Variants in TMEM230 observed in about 807,000 individuals in gnomAD.
TMEM230 encodes the protein transmembrane protein 230.
A neutral mutation model predicts 15.8 loss-of-function variants in TMEM230; 10 were observed. That is an observed-to-expected ratio of 0.63 (90% CI 0.39 to 1.07). TMEM230 has a LOEUF of 1.07. TMEM230 is among the 50% of genes least tolerant of loss of function. TMEM230 has a pLI of 0.01. For synonymous variants in TMEM230, 67 were observed against 76.9 expected (o/e 0.87, Z 0.68); for missense variants, 165 against 193.3 (o/e 0.85, Z 0.87).
chr20:5,062,624 G>A, the TMEM230 span, among the ~76,000 whole-genome samples: 73 of 152,012 alleles, frequency 4.8e-4, no homozygotes, highest in African/African-American at 1.7e-3. Context: ...TTAGCTGTGT[G>A]TGGTGGTGCA....
chr20:5,105,680 TGG>T (rs2090047548), intron 4 of TMEM230, among the ~76,000 whole-genome samples: 1 of 152,158 alleles, frequency 6.6e-6, no homozygotes, highest in Non-Finnish European at 1.5e-5. Context: ...TATGAATGCA[TGG>T]CTGTATCAAA....
chr20:5,091,047 G>T (rs2326590), intron 3 of TMEM230, among the ~76,000 whole-genome samples: 133 of 152,272 alleles, frequency 8.7e-4, no homozygotes, highest in African/African-American at 3.2e-3. Flanking sequence ...CACCCAGGCT[G>T]AAGTGCAGTG....
intron 3 of TMEM230, among the ~76,000 whole-genome samples, chr20:5,083,688 AT>A (rs1168349077): frequency 2.6e-5 from 4 of 152,200 alleles, no homozygotes; most frequent in Non-Finnish European, 4.4e-5. Flanking sequence ...GGGCTTTGAT[AT>A]AAGCATTCTA....
At chr20:5,069,141 C>T (rs1237202258) in exon 4 of TMEM230, 3 of 1,434,744 alleles carry the variant, frequency 2.1e-6, no homozygotes, top group African/African-American at 2.9e-5. Flanking sequence ...AGGACATTTT[C>T]AGTTTAGCCC....
intron 3 of TMEM230, among the ~76,000 whole-genome samples, chr20:5,081,864 CTTTTTTTTCT>C (rs1335132253): frequency 3.6e-5 from 5 of 140,368 alleles, no homozygotes; most frequent in Admixed American, 3.5e-4. Flanking sequence ...CACTGATTTT[CTTTTTTTTCT>C]TTTTTTTTTT....
chr20:5,111,821 A>G, intron 1 of TMEM230: 1 of 976,310 alleles, frequency 1.0e-6, no homozygotes, highest in Non-Finnish European at 1.2e-6. Flanking sequence ...AATTCCAAAA[A>G]ATAACAAATT....
At chr20:5,061,088 C>A in the TMEM230 span, 2 of 152,136 alleles carry the variant, frequency 1.3e-5, no homozygotes, top group African/African-American at 4.8e-5. Context: ...CACAATACAG[C>A]CTGGAATTTA....
At chr20:5,089,832 A>G (rs1051968390) in intron 3 of TMEM230, among the ~76,000 whole-genome samples, 1 of 152,174 alleles carries the variant, frequency 6.6e-6, no homozygotes, top group Admixed American at 6.6e-5. Flanking sequence ...AGCCTGGCCA[A>G]CAGGGCAAAA....
chr20:5,066,799 G>C (rs1010763819), downstream of TMEM230, among the ~76,000 whole-genome samples: 1 of 152,080 alleles, frequency 6.6e-6, no homozygotes, highest in East Asian at 1.9e-4. Context: ...GCTGACCCGG[G>C]TTCATGCTCA....
chr20:5,112,724 A>ACG, intron 1 of TMEM230: 1 of 1,439,476 alleles, frequency 6.9e-7, no homozygotes, highest in Non-Finnish European at 9.1e-7. Context: ...ACGCGCCTCT[A>ACG]CATACGTTAT....
downstream of TMEM230, among the ~76,000 whole-genome samples, chr20:5,064,757 A>C (rs1307210154): frequency 1.3e-5 from 2 of 152,210 alleles, no homozygotes; most frequent in Non-Finnish European, 2.9e-5. Context: ...AATTCAATGA[A>C]GGAAAAATAA....
chr20:5,103,594 G>A (rs1285023783), intron 4 of TMEM230, among the ~76,000 whole-genome samples: 1 of 150,600 alleles, frequency 6.6e-6, no homozygotes, highest in Non-Finnish European at 1.5e-5. Flanking sequence ...TGGTGCCACT[G>A]CACTCCAGCC....
intron 4 of TMEM230, among the ~76,000 whole-genome samples, chr20:5,103,813 T>A (rs948493868): frequency 1.3e-5 from 2 of 152,106 alleles, no homozygotes; most frequent in African/African-American, 4.8e-5. Context: ...CACTTAAATG[T>A]AAGACCTAAA....
chr20:5,110,428 G>A (rs1413945060), intron 2 of TMEM230, among the ~76,000 whole-genome samples: 4 of 152,164 alleles, frequency 2.6e-5, no homozygotes, highest in South Asian at 2.1e-4. Context: ...GGGATTACAG[G>A]CGTGTGCCAC....
intron 3 of TMEM230, among the ~76,000 whole-genome samples, chr20:5,075,589 G>A (rs1394109474): frequency 1.3e-5 from 2 of 151,364 alleles, no homozygotes; most frequent in African/African-American, 4.8e-5. Context: ...GCCGGGCTTG[G>A]TGGCACACGC....
Position 5,106,291 on chromosome 20 carries a change from T to C in TMEM230, c.308A>G (p.Lys103Arg), listed in dbSNP as rs1215393638. 7.5e-6 allele frequency: 12 copies of C among 1,605,780 alleles called. No individual in the cohort carries two copies. In the Admixed American group the frequency reaches 1.7e-4, roughly 23 times the overall value. Residue 103 changes from lysine (K) to arginine (R), a missense_variant, in exon 4 of 5, where the codon AAG (lysine) becomes AGG (arginine). Coordinates refer to ENST00000342308, the MANE Select transcript of TMEM230 (RefSeq NM_001009923.2). Reference sequence around the variant, plus strand: ...AAGTGCGATGGCCTTATAAGGGATCTTAGGAGGGGTTTTCTTAAACTGGAA... The same window carrying C: ...AAGTGCGATGGCCTTATAAGGGATCCTAGGAGGGGTTTTCTTAAACTGGAA...
rs1048594580 is a variant in TMEM230, at chr20:5,072,535, A to G, written c.223-3186T>C. 2.0e-5 allele frequency among the ~76,000 whole-genome samples: 3 copies of G among 151,898 alleles called. No individual in the cohort carries two copies. In the East Asian group the frequency reaches 5.8e-4, roughly 29 times the overall value. ...TTTTTGGCCGTGAGACTATAAGAAC[A>G]TGAACTTGAAGTTTCCTGAAGATCT... On this transcript the variant is annotated intron_variant, in intron 3 of 3. Transcript: ENST00000612323.
chr20:5,081,859 ATTTTCTTTTTTTTCT>A (rs2089183577), intron 3 of TMEM230, among the ~76,000 whole-genome samples: 1 of 92,232 alleles, frequency 1.1e-5, no homozygotes, highest in South Asian at 5.6e-4. Flanking sequence ...AAATTCACTG[ATTTTCTTTTTTTTCT>A]TTTTTTTTTT....
At chr20:5,099,174 G>C (rs1471566809), downstream of TMEM230, among the ~76,000 whole-genome samples, 1 of 151,240 alleles carries the variant, frequency 6.6e-6, no homozygotes, top group Non-Finnish European at 1.5e-5. Context: ...CTGGGCAGTA[G>C]AGCAAGACTC....
Sources: allele counts gnomAD v4.1 joint callset (sites outside exome capture counted in the v4.1 genomes callset), GRCh38; gene constraint gnomAD v4.1.1; transcripts MANE v1.5; gene names NCBI Gene and HGNC (gene_info 2026-07-23, HGNC 2026-07-21).